The following ESRRG variants were observed in gnomAD, a reference collection of about 807,000 sequenced individuals.
ESRRG encodes the protein estrogen-related receptor gamma.
In ESRRG, 13 loss-of-function variants were observed where a neutral mutation model predicts 44.0. That is an observed-to-expected ratio of 0.30 (90% CI 0.19 to 0.47). The LOEUF (loss-of-function observed/expected upper bound fraction) is 0.47, where lower values mean the gene tolerates loss of function less well. Among genes scored for constraint, ESRRG ranks in the 20% least tolerant of loss-of-function variants. ESRRG has a pLI of 1.00. For synonymous variants in ESRRG, 215 were observed against 214.6 expected, an observed-to-expected ratio of 1.00 and a Z score of -0.02; for missense variants, 395 against 580.6, an observed-to-expected ratio of 0.68 and a Z score of 3.29.
intron 1 of ESRRG, among the ~76,000 whole-genome samples, chr1:216,953,048 T>TC (rs978129124): frequency 8.5e-5 from 13 of 152,112 alleles, no homozygotes; most frequent in African/African-American, 2.9e-4. Context: ...TTTCCATTTC[T>TC]CCCCCACATA....
At chr1:216,746,657 C>T (rs1018981520) in intron 2 of ESRRG, among the ~76,000 whole-genome samples, 2 of 152,090 alleles carry the variant, frequency 1.3e-5, no homozygotes, top group African/African-American at 2.4e-5. Context: ...GATCCTATAG[C>T]TGATTAGTGA....
intron 2 of ESRRG, among the ~76,000 whole-genome samples, chr1:216,891,027 C>T (rs577525710): frequency 6.6e-6 from 1 of 151,936 alleles, no homozygotes; most frequent in Non-Finnish European, 1.5e-5. Context: ...GGTATCAAGG[C>T]CAAAAATATG....
At chr1:216,848,042 G>A (rs2095785728) in intron 2 of ESRRG, among the ~76,000 whole-genome samples, 1 of 152,102 alleles carries the variant, frequency 6.6e-6, no homozygotes, top group African/African-American at 2.4e-5. Context: ...CCTGTGCATT[G>A]TAGGATGTTT....
chr1:216,890,254 G>C (rs1419593852), intron 2 of ESRRG, among the ~76,000 whole-genome samples: 2 of 152,078 alleles, frequency 1.3e-5, no homozygotes, highest in Non-Finnish European at 2.9e-5. Flanking sequence ...GACAGAGTGA[G>C]ACCCTGTCTC....
chr1:216,829,832 G>A (rs1423950028), intron 2 of ESRRG, among the ~76,000 whole-genome samples: 1 of 152,112 alleles, frequency 6.6e-6, no homozygotes, highest in Non-Finnish European at 1.5e-5. Flanking sequence ...GGGATTACAG[G>A]TGTGAGCCAC....
chr1:217,111,708 G>T (rs1181901775), intron 1 of ESRRG, among the ~76,000 whole-genome samples: 1 of 152,152 alleles, frequency 6.6e-6, no homozygotes, highest in Non-Finnish European at 1.5e-5. Context: ...GCTGCTGGCT[G>T]TCAGTAAGCA....
At chr1:216,590,378 G>T (rs937465633) in intron 3 of ESRRG, among the ~76,000 whole-genome samples, 4 of 152,124 alleles carry the variant, frequency 2.6e-5, no homozygotes. Context: ...ACTCTAGAGT[G>T]CTTTACACTG....
intron 2 of ESRRG, among the ~76,000 whole-genome samples, chr1:216,874,280 C>A (rs1173846967): frequency 6.6e-6 from 1 of 152,176 alleles, no homozygotes; most frequent in Non-Finnish European, 1.5e-5. Context: ...ACTCTGAATT[C>A]TGTCCAGCTC....
intron 1 of ESRRG, among the ~76,000 whole-genome samples, chr1:217,135,342 G>T (rs1376725786): frequency 1.3e-5 from 2 of 152,160 alleles, no homozygotes; most frequent in Non-Finnish European, 2.9e-5. Context: ...CTCATTTTGC[G>T]CCCAGATGCA....
intron 5 of ESRRG, among the ~76,000 whole-genome samples, chr1:216,543,606 A>T (rs755746601): frequency 3.9e-5 from 6 of 152,006 alleles, no homozygotes; most frequent in Non-Finnish European, 7.4e-5. Context: ...TTCAACATGT[A>T]CTATCACATT....
chr1:216,686,478 C>A (rs1575298735), intron 1 of ESRRG, among the ~76,000 whole-genome samples: 1 of 145,196 alleles, frequency 6.9e-6, no homozygotes, highest in African/African-American at 2.5e-5. Context: ...GATTATTCAG[C>A]AGAAACATAG....
At chr1:216,535,424 G>A (rs1280510904) in intron 5 of ESRRG, among the ~76,000 whole-genome samples, 1 of 152,032 alleles carries the variant, frequency 6.6e-6, no homozygotes, top group Non-Finnish European at 1.5e-5. Context: ...CTTCCTGCCC[G>A]AATCAAGGCT....
intron 2 of ESRRG, among the ~76,000 whole-genome samples, chr1:216,860,826 G>A (rs963295125): frequency 3.3e-5 from 5 of 152,068 alleles, no homozygotes; most frequent in Non-Finnish European, 4.4e-5. Flanking sequence ...TGGTAACTAG[G>A]TGAGTTAATT....
chr1:216,647,525 T>A (rs1320773507), intron 3 of ESRRG, among the ~76,000 whole-genome samples: 2 of 152,266 alleles, frequency 1.3e-5, no homozygotes, highest in South Asian at 4.1e-4. Flanking sequence ...TAAAATCAAA[T>A]GTAGTGTATT....
chr1:217,135,111 G>A (rs60478253), intron 1 of ESRRG, among the ~76,000 whole-genome samples: 11,046 of 152,220 alleles, frequency 0.073, 485 homozygotes, highest in East Asian at 0.23. Context: ...AGGCTTCCTG[G>A]GCACTGCGTC....
At chr1:216,618,630 TATTTAGCATCTTAGTTG>T (rs1296411550) in intron 3 of ESRRG, among the ~76,000 whole-genome samples, 1 of 152,256 alleles carries the variant, frequency 6.6e-6, no homozygotes, top group Non-Finnish European at 1.5e-5. Flanking sequence ...ACAATTTTGA[TATTTAGCATCTTAGTTG>T]ATTTTCACTG....
chr1:217,019,335 G>T (rs1461658424), intron 1 of ESRRG, among the ~76,000 whole-genome samples: 2 of 152,172 alleles, frequency 1.3e-5, no homozygotes, highest in African/African-American at 4.8e-5. Context: ...TGCAGAGAGA[G>T]GACTTAGGTC....
At chr1:216,953,747 C>A (rs1396689591) in intron 1 of ESRRG, among the ~76,000 whole-genome samples, 1 of 152,058 alleles carries the variant, frequency 6.6e-6, no homozygotes, top group African/African-American at 2.4e-5. Context: ...GGCAAAGGTT[C>A]TACTTGCAAA....
In ESRRG at chr1:216,732,850, G is replaced by T. The variant is rs532244740; in HGVS notation, c.-13-55359C>A. Among the ~76,000 whole-genome samples the T allele has an allele frequency of 3.0e-4, 34 of 112,054 alleles. 1 individual carries two copies. Among genetic ancestry groups the T allele is most frequent in the Non-Finnish European group, 4.2e-4 (22 of 52,216 alleles). The allele number at this position is 112,054 out of a possible 152,430, so 73.5% of individuals were successfully genotyped here. ...CCATCTCTAAAATTAAAAAAAAAAA[G>T]GGGGGGGAGGAGGGGGACTCTTGTG... On this transcript the variant is annotated intron_variant, in intron 2 of 7. Transcript: ENST00000359162.
Sources: allele counts gnomAD v4.1 joint callset (sites outside exome capture counted in the v4.1 genomes callset), GRCh38; gene constraint gnomAD v4.1.1; transcripts MANE v1.5; gene names NCBI Gene and HGNC (gene_info 2026-07-23, HGNC 2026-07-21).